MX2: variants seen among roughly 807,000 people sequenced by gnomAD.
MX2 encodes MX dynamin like GTPase 2, also known as interferon-induced GTP-binding protein Mx2.
In MX2, 51 loss-of-function variants were observed where a neutral mutation model predicts 74.0. That is an observed-to-expected ratio of 0.69 (90% CI 0.55 to 0.87). MX2 has a LOEUF of 0.87. MX2 is among the 40% of genes least tolerant of loss of function. The probability of loss-of-function intolerance (pLI) is 0.00; values close to 1 mark genes in which losing one functional copy is unlikely to be tolerated. For synonymous variants in MX2, 369 were observed against 339.3 expected (o/e 1.09, Z -0.96); for missense variants, 832 against 908.7 (o/e 0.92, Z 1.09).
chr21:41,387,121 C>A (rs1393751080), intron 5 of MX2, among the ~76,000 whole-genome samples: 1 of 152,214 alleles, frequency 6.6e-6, no homozygotes, highest in Non-Finnish European at 1.5e-5. Flanking sequence ...TGTGTCTCTT[C>A]TCAGATTCTT....
chr21:41,405,701 CTT>C (rs58741218), intron 12 of MX2, among the ~76,000 whole-genome samples: 5 of 133,778 alleles, frequency 3.7e-5, no homozygotes, highest in Non-Finnish European at 4.8e-5. Flanking sequence ...TCTTTCTTTC[CTT>C]TTTTTTTTTT....
chr21:41,393,127 A>AAAAAAAAAAG (rs1568944000), intron 6 of MX2, among the ~76,000 whole-genome samples: 12 of 141,968 alleles, frequency 8.5e-5, no homozygotes, highest in Non-Finnish European at 1.2e-4. Context: ...AAAAAAAAAA[A>AAAAAAAAAAG]AAAAGAAAGA....
chr21:41,375,830 A>T (rs1288905893), intron 1 of MX2, among the ~76,000 whole-genome samples: 2 of 152,116 alleles, frequency 1.3e-5, no homozygotes, highest in African/African-American at 4.8e-5. Flanking sequence ...GATCCACATT[A>T]CTACTAGAGG....
At chr21:41,406,596 T>G in intron 12 of MX2, 148 bp from the exon 13 acceptor site, 2 of 878,792 alleles carry the variant, frequency 2.3e-6, no homozygotes, top group Non-Finnish European at 3.4e-6. Flanking sequence ...AGTGGGACTT[T>G]CTAAAAATCA....
intron 1 of MX2, chr21:41,374,259 T>G (rs1423259091): frequency 6.6e-6 from 1 of 152,322 alleles, no homozygotes; most frequent in Non-Finnish European, 1.5e-5. Context: ...ACAGCCCTTG[T>G]GCTGGACGGC....
chr21:41,392,725 G>C (rs938947085), intron 6 of MX2, among the ~76,000 whole-genome samples: 2 of 152,160 alleles, frequency 1.3e-5, no homozygotes, highest in African/African-American at 2.4e-5. Flanking sequence ...GGTAGCTAAA[G>C]ACAGAGCAGG....
chr21:41,383,785 A>G (rs1241425646), intron 5 of MX2, among the ~76,000 whole-genome samples: 2 of 152,212 alleles, frequency 1.3e-5, no homozygotes, highest in African/African-American at 4.8e-5. Flanking sequence ...CTCTAAGAGC[A>G]GGGAAATTAG....
intron 1 of MX2, chr21:41,367,348 C>T (rs1159565057): frequency 3.3e-5 from 5 of 151,256 alleles, no homozygotes; most frequent in African/African-American, 1.2e-4. Flanking sequence ...AGACCTTTTC[C>T]ACGGGATCAC....
Position 41,390,700 on chromosome 21 carries a change from A to G in MX2, c.868A>G (p.Ile290Val), listed in dbSNP as rs760912242. 1.9e-6 allele frequency: 3 copies of G among 1,613,842 alleles called. No individual in the cohort carries two copies. The highest frequency in any genetic ancestry group is 3.3e-5 in the Admixed American group (2 of 59,992). ...GGTGGACCCGGAAGGGGACAGGACCATCGGTAAGAGGAAAGAACCAAGTGG... is the reference window on the plus strand; with the variant it reads ...GGTGGACCCGGAAGGGGACAGGACCGTCGGTAAGAGGAAAGAACCAAGTGG... ...HEVDPEGDRTIGILTKPDLMD... is the reference protein window; with the variant it reads ...HEVDPEGDRTVGILTKPDLMD... Residue 290 changes from isoleucine (I) to valine (V), a missense_variant, in exon 6 of 14, where the codon ATC (isoleucine) becomes GTC (valine). Physicochemically the swap from Ile to Val is conservative, Grantham distance 29 (BLOSUM62 3). Transcript: ENST00000330714.
At chr21:41,407,924 TTC>T (rs1490302450) in intron 13 of MX2, 65 bp from the exon 14 acceptor site, 2 of 1,592,272 alleles carry the variant, frequency 1.3e-6, no homozygotes, top group African/African-American at 2.7e-5. Flanking sequence ...ACTCCATGCC[TTC>T]TCTCTGCAAC....
At chr21:41,382,947 C>G (rs573783539) in intron 5 of MX2, among the ~76,000 whole-genome samples, 1 of 152,328 alleles carries the variant, frequency 6.6e-6, no homozygotes, top group Admixed American at 6.5e-5. Context: ...TAAGTCATAA[C>G]ATGGACTGTG....
At chr21:41,375,219 G>A (rs2089384661) in intron 1 of MX2, among the ~76,000 whole-genome samples, 1 of 152,194 alleles carries the variant, frequency 6.6e-6, no homozygotes, top group Non-Finnish European at 1.5e-5. Context: ...CTGGAGCCTG[G>A]TTGGTTGGTA....
chr21:41,374,512 G>T (rs2089372478), intron 1 of MX2, among the ~76,000 whole-genome samples: 1 of 152,220 alleles, frequency 6.6e-6, no homozygotes, highest in Admixed American at 6.5e-5. Context: ...GAGGATGACT[G>T]GGCTCCATCC....
chr21:41,399,174 A>G (rs752699456), intron 9 of MX2, 22 bp from the exon 10 acceptor site: 4 of 1,612,554 alleles, frequency 2.5e-6, no homozygotes, highest in Non-Finnish European at 3.4e-6. Flanking sequence ...CGCAAAGACT[A>G]TTGACTTTAT....
Position 41,399,313 on chromosome 21 carries a change from A to G in MX2, c.1390A>G (p.Ile464Val). ...IREDFKNWVGILATNTQKVKN... is the reference protein window; with the variant it reads ...IREDFKNWVGVLATNTQKVKN... ...AGAGGATTTTAAAAACTGGGTAGGC[A>G]TACTTGCAACTAATACCCAAAAAGG... Residue 464 changes from isoleucine to valine, a missense_variant, in exon 10 of 14, where the codon ATA becomes GTA. Coordinates refer to ENST00000330714, the MANE Select transcript of MX2 (RefSeq NM_002463.2). 1 of 1,614,170 alleles carries G rather than the reference A, an allele frequency of 6.2e-7. No homozygotes were observed. Among genetic ancestry groups the G allele is most frequent in the Non-Finnish European group, 8.5e-7 (1 of 1,180,032 alleles).
rs759488556 is a variant in MX2, at chr21:41,380,019, A to G, written c.445A>G (p.Ile149Val). 5 of 1,613,776 alleles carry G rather than the reference A, an allele frequency of 3.1e-6. No individual in the cohort carries two copies. The highest frequency in any genetic ancestry group is 3.3e-5 in the Admixed American group (2 of 59,946). The change falls in exon 4 of 14, where the codon ATC (isoleucine) becomes GTC (valine). Residue 149 changes from isoleucine (I) to valine (V), a missense_variant and splice_region_variant. Transcript: ENST00000330714. This position sits in a 1 kb window ranked among gnomAD's most constrained non-coding sequence, Gnocchi z 4.3. Reference sequence around the variant, plus strand: ...TATTTGGGGAACCTCTCGCTCAGGAATCGTAACCAGGTGTCCGCTGGTGCT... The same window carrying G: ...TATTTGGGGAACCTCTCGCTCAGGAGTCGTAACCAGGTGTCCGCTGGTGCT... ...SGVALPRGSG[I>V]VTRCPLVLKL... is the part of the protein sequence containing the mutation.
At chr21:41,386,784 G>C (rs1405668417) in intron 5 of MX2, among the ~76,000 whole-genome samples, 1 of 152,180 alleles carries the variant, frequency 6.6e-6, no homozygotes, top group African/African-American at 2.4e-5. Context: ...CCTCCTCCAT[G>C]TTCCTGGAAC....
chr21:41,396,859 C>T lies in MX2; in HGVS notation c.1071-754C>T, dbSNP rs79812001. 1.3e-3 allele frequency among the ~76,000 whole-genome samples: 195 copies of T among 152,292 alleles called. 3 individuals carry two copies. Among genetic ancestry groups the T allele is most frequent in the East Asian group, 6.2e-3 (32 of 5,176 alleles). ...GAGCAGCAGACTCTCTGGAGAGTTC[C>T]TTAAAATTGTGCTAGCTCTGTCCTG... is the stretch of plus-strand genomic sequence containing the variant. On this transcript the variant is annotated intron_variant, in intron 7 of 13. Coordinates refer to ENST00000330714, the MANE Select transcript of MX2 (RefSeq NM_002463.2).
At chr21:41,386,611 C>A (rs561422876) in intron 5 of MX2, among the ~76,000 whole-genome samples, 5 of 152,230 alleles carry the variant, frequency 3.3e-5, no homozygotes, top group African/African-American at 1.2e-4. Context: ...TCCTGCAGAT[C>A]GGGGCCTCCA....
Sources: allele counts gnomAD v4.1 joint callset (sites outside exome capture counted in the v4.1 genomes callset), GRCh38; gene constraint gnomAD v4.1.1; non-coding constraint Gnocchi (gnomAD v3.1); transcripts MANE v1.5; gene names NCBI Gene and HGNC (gene_info 2026-07-23, HGNC 2026-07-21).